NCK1: variants seen among roughly 807,000 people sequenced by gnomAD.
NCK1 encodes the protein NCK adaptor protein 1, also known as SH2/SH3 adapter protein NCK1.
In NCK1, 19 loss-of-function variants were observed where a neutral mutation model predicts 36.6. The observed-to-expected ratio is 0.52, with a 90% confidence interval of 0.36 to 0.76. NCK1 has a LOEUF of 0.76. Ranked by LOEUF, NCK1 falls within the 30% of genes least tolerant of loss-of-function variation. The probability of loss-of-function intolerance (pLI) is 0.00; values close to 1 mark genes in which losing one functional copy is unlikely to be tolerated. For synonymous variants in NCK1, 165 were observed against 156.0 expected (o/e 1.06, Z -0.43); for missense variants, 358 against 445.6 (o/e 0.80, Z 1.77).
chr3:136,923,295 C>A (rs945778642), intron 1 of NCK1, among the ~76,000 whole-genome samples: 1 of 118,518 alleles, frequency 8.4e-6, no homozygotes, highest in African/African-American at 3.0e-5. Context: ...GTGGCTCACG[C>A]CTGTAATCCC....
chr3:136,922,368 A>G (rs1272836476), intron 1 of NCK1, among the ~76,000 whole-genome samples: 1 of 152,332 alleles, frequency 6.6e-6, no homozygotes, highest in East Asian at 1.9e-4. Context: ...GAAAGGATTT[A>G]TAATTTCAAG....
chr3:136,940,497 T>TCA (rs1468343024), intron 2 of NCK1, among the ~76,000 whole-genome samples: 2 of 152,194 alleles, frequency 1.3e-5, no homozygotes, highest in African/African-American at 4.8e-5. Context: ...GATGGACTGA[T>TCA]TCTTTTATCA....
intron 1 of NCK1, among the ~76,000 whole-genome samples, chr3:136,875,377 C>T (rs948534403): frequency 6.6e-6 from 1 of 152,100 alleles, no homozygotes; most frequent in Non-Finnish European, 1.5e-5. Flanking sequence ...ATTTCCTTCT[C>T]CTGCCTAATT....
At chr3:136,867,048 T>TTGCTC (rs1553789796) in intron 1 of NCK1, among the ~76,000 whole-genome samples, 9 of 33,724 alleles carry the variant, frequency 2.7e-4, no homozygotes, top group South Asian at 2.5e-3. Context: ...TGTTGCTTGC[T>TTGCTC]TTTCTTTCTT....
chr3:136,926,431 C>T (rs959760907), intron 1 of NCK1, among the ~76,000 whole-genome samples: 3 of 151,984 alleles, frequency 2.0e-5, no homozygotes, highest in South Asian at 4.2e-4. Flanking sequence ...CCCGCCACCA[C>T]GCCTGTCTAA....
At chr3:136,936,588 A>G (rs1399781443) in intron 2 of NCK1, among the ~76,000 whole-genome samples, 1 of 152,184 alleles carries the variant, frequency 6.6e-6, no homozygotes, top group African/African-American at 2.4e-5. Context: ...ACCATTTTAC[A>G]TTCCAACCAG....
At chr3:136,914,109 G>T (rs73231951) in intron 1 of NCK1, among the ~76,000 whole-genome samples, 53 of 152,346 alleles carry the variant, frequency 3.5e-4, no homozygotes, top group Non-Finnish European at 6.6e-4. Context: ...GCCTGACTGC[G>T]GGGAGCAGTG....
At chr3:136,888,852 A>G (rs1045539234) in intron 1 of NCK1, among the ~76,000 whole-genome samples, 4 of 151,662 alleles carry the variant, frequency 2.6e-5, no homozygotes, top group Middle Eastern at 3.4e-3. Context: ...ACTTAGTTCA[A>G]TGTTTTTTTT....
At chr3:136,868,675 C>G (rs1198256755) in intron 1 of NCK1, among the ~76,000 whole-genome samples, 1 of 152,168 alleles carries the variant, frequency 6.6e-6, no homozygotes, top group Non-Finnish European at 1.5e-5. Context: ...GAATCTCTTA[C>G]AGGTTTTACT....
chr3:136,931,259 C>T (rs1940383444), intron 2 of NCK1, among the ~76,000 whole-genome samples: 1 of 152,104 alleles, frequency 6.6e-6, no homozygotes, highest in African/African-American at 2.4e-5. Context: ...GCTGATTCTG[C>T]TAGTGGCCTC....
chr3:136,923,573 A>AATAAATAAATAAATAC (rs1940168987), intron 1 of NCK1, among the ~76,000 whole-genome samples: 1 of 150,578 alleles, frequency 6.6e-6, no homozygotes, highest in African/African-American at 2.5e-5. Flanking sequence ...TAAATAAATA[A>AATAAATAAATAAATAC]ATAAATAAAT....
At position 136,940,804 on chromosome 3, in the gene NCK1, TA is replaced by T. The variant is rs1940652147; in HGVS notation, c.227-4776del. Among the ~76,000 whole-genome samples, 8 of 152,124 alleles carry T rather than the reference TA, an allele frequency of 5.3e-5. No individual in the cohort carries two copies. In the South Asian group the frequency reaches 1.7e-3, roughly 32 times the overall value. On this transcript the variant is annotated intron_variant, in intron 2 of 3. Coordinates refer to ENST00000481752, the MANE Select transcript of NCK1 (RefSeq NM_001291999.2). ...AAGTGATCCACCCGCCTCGGCTTCCTAAAGTGCAGGGATTACAGGCATGAGA... is the reference window on the plus strand; with the variant it reads ...AAGTGATCCACCCGCCTCGGCTTCCTAAGTGCAGGGATTACAGGCATGAGA...
At chr3:136,922,983 T>C (rs1330438305) in intron 1 of NCK1, among the ~76,000 whole-genome samples, 1 of 152,124 alleles carries the variant, frequency 6.6e-6, no homozygotes, top group African/African-American at 2.4e-5. Context: ...CACTCTGCAA[T>C]TGTTAGAAGT....
At chr3:136,891,910 A>G (rs954044189) in intron 1 of NCK1, among the ~76,000 whole-genome samples, 6 of 152,170 alleles carry the variant, frequency 3.9e-5, no homozygotes, top group African/African-American at 7.2e-5. Context: ...CTTTTTAGAG[A>G]CAAAGTCTCA....
chr3:136,864,983 G>C (rs1046022528), intron 1 of NCK1, among the ~76,000 whole-genome samples: 1 of 149,524 alleles, frequency 6.7e-6, no homozygotes, highest in Non-Finnish European at 1.5e-5. Flanking sequence ...TTTTGAGACG[G>C]AGTCTCACTC....
intron 1 of NCK1, among the ~76,000 whole-genome samples, chr3:136,865,116 C>A (rs2108059641): frequency 6.6e-6 from 1 of 152,184 alleles, no homozygotes; most frequent in East Asian, 1.9e-4. Flanking sequence ...TGCCACCACG[C>A]CTGACTAATT....
chr3:136,883,046 G>A (rs1938986373), intron 1 of NCK1, among the ~76,000 whole-genome samples: 1 of 152,158 alleles, frequency 6.6e-6, no homozygotes, highest in Non-Finnish European at 1.5e-5. Context: ...AGCCTCCCAA[G>A]TAGCTGGGAT....
intron 1 of NCK1, among the ~76,000 whole-genome samples, chr3:136,897,454 A>G (rs1939419770): frequency 6.6e-6 from 1 of 152,062 alleles, no homozygotes; most frequent in South Asian, 2.1e-4. Context: ...TGTGGTTTTT[A>G]TTTGCATTTC....
Position 136,948,333 on chromosome 3 carries a change from C to T in NCK1, c.1014C>T (p.Val338=). 6.2e-7 allele frequency: 1 copy of T among 1,612,944 alleles called. No individual in the cohort carries two copies. Among genetic ancestry groups the T allele is most frequent in the Non-Finnish European group, 8.5e-7 (1 of 1,179,246 alleles). The change falls in exon 4 of 4, where the codon GTC becomes GTT. Residue 338 remains valine, a synonymous_variant. Transcript: ENST00000481752. ...TTAAAGTCCAACTAAAAGAGACTGT[C>T]TACTGCATTGGGCAGCGTAAATTCA... ...KHFKVQLKET[V]YCIGQRKFST...
Sources: gnomAD v4.1 joint callset for allele counts (sites outside exome capture counted in the v4.1 genomes callset) on GRCh38, gnomAD v4.1.1 for gene constraint, MANE v1.5 for transcripts, NCBI Gene and HGNC (gene_info 2026-07-23, HGNC 2026-07-21) for gene names.